The following ADGRD1 variants were observed in gnomAD, a reference collection of about 807,000 sequenced individuals.
ADGRD1 encodes G-protein coupled receptor 133.
In ADGRD1, 77 loss-of-function variants were observed where a neutral mutation model predicts 113.4. The observed-to-expected ratio is 0.68, with a 90% CI of 0.57 to 0.82. ADGRD1 has a LOEUF of 0.82. Ranked by LOEUF, ADGRD1 falls within the 40% of genes least tolerant of loss-of-function variation. ADGRD1 has a pLI of 0.00. For synonymous variants in ADGRD1, 474 were observed against 475.0 expected (o/e 1.00, Z 0.03); for missense variants, 1,036 against 1,139.1 (o/e 0.91, Z 1.30).
At position 131,119,705 on chromosome 12, in the gene ADGRD1, A is replaced by G. The variant is rs1260960533; in HGVS notation, c.2109-1142A>G. The stretch of plus-strand genomic sequence containing the variant: ...ATCTCTCTCTTTGCAGAAGCATCCT[A>G]CTCTCCGGAGAGCCTGGTTTGAATC... On this transcript the variant is annotated intron_variant, in intron 19 of 24. Transcript: ENST00000261654. Among the ~76,000 whole-genome samples, 5 of 152,026 alleles carry G rather than the reference A, an allele frequency of 3.3e-5. No homozygotes were observed. The South Asian group carries it at 8.3e-4, about 25-fold the overall frequency.
chr12:131,107,210 A>AT (rs1408493685), intron 17 of ADGRD1, among the ~76,000 whole-genome samples: 1 of 149,032 alleles, frequency 6.7e-6, no homozygotes, highest in Non-Finnish European at 1.5e-5. Flanking sequence ...AAGGGCTCTG[A>AT]TGGGTCCCGC....
chr12:131,112,712 G>A (rs1180325979), intron 18 of ADGRD1, among the ~76,000 whole-genome samples: 1 of 152,250 alleles, frequency 6.6e-6, no homozygotes, highest in South Asian at 2.1e-4. Flanking sequence ...CTGCTCTGGA[G>A]CTGCAGGCAA....
chr12:131,011,323 C>G (rs1407675113), intron 12 of ADGRD1, among the ~76,000 whole-genome samples: 2 of 151,888 alleles, frequency 1.3e-5, no homozygotes, highest in Admixed American at 1.3e-4. Context: ...GTGGAGGCCA[C>G]GTGTTCCCGG....
intron 20 of ADGRD1, among the ~76,000 whole-genome samples, chr12:131,123,754 G>C (rs568283467): frequency 6.6e-6 from 1 of 151,796 alleles, no homozygotes; most frequent in Non-Finnish European, 1.5e-5. Context: ...CCCGGGAGGC[G>C]GGTCTTGCAG....
intron 3 of ADGRD1, chr12:130,969,173 T>C: frequency 1.4e-6 from 1 of 708,712 alleles, no homozygotes; most frequent in Admixed American, 2.2e-5. Flanking sequence ...CACTATGTCT[T>C]GGCTAGCAAG....
chr12:131,100,393 A>T (rs1411626373), intron 15 of ADGRD1, among the ~76,000 whole-genome samples: 1 of 151,646 alleles, frequency 6.6e-6, no homozygotes, highest in Non-Finnish European at 1.5e-5. Flanking sequence ...AAGTTGGTTG[A>T]TGATGGGTTG....
intron 13 of ADGRD1, among the ~76,000 whole-genome samples, chr12:131,031,917 G>T (rs1374768673): frequency 6.6e-6 from 1 of 152,192 alleles, no homozygotes; most frequent in Non-Finnish European, 1.5e-5. Flanking sequence ...GGGAAGCTGG[G>T]GAGCCATTTG....
chr12:131,007,919 T>A (rs1877363401), intron 12 of ADGRD1, among the ~76,000 whole-genome samples: 1 of 152,170 alleles, frequency 6.6e-6, no homozygotes, highest in African/African-American at 2.4e-5. Context: ...TCCAGTAAAG[T>A]CTCTGTACTT....
chr12:131,006,911 C>T (rs575719785), intron 12 of ADGRD1, among the ~76,000 whole-genome samples: 1 of 152,296 alleles, frequency 6.6e-6, no homozygotes, highest in Admixed American at 6.5e-5. Context: ...AAGAAAAATG[C>T]AATCTATTTT....
chr12:130,992,202 T>A lies in ADGRD1; in HGVS notation c.811-35T>A, dbSNP rs776731672. On this transcript the variant is annotated intron_variant, in intron 7 of 24. Coordinates refer to ENST00000261654, the MANE Select transcript of ADGRD1 (RefSeq NM_198827.5). The stretch of plus-strand genomic sequence containing the variant: ...TTCTGTATAATATTTTGGTTTTAGT[T>A]CTTAGTAGAAACTCATGTTGCCAAT... 4.4e-6 allele frequency: 7 copies of A among 1,579,468 alleles called. No homozygotes were observed. In the Admixed American group the frequency reaches 5.4e-5, roughly 12 times the overall value.
At chr12:130,968,309 GT>G (rs1245049424) in intron 3 of ADGRD1, 1 of 152,314 alleles carries the variant, frequency 6.6e-6, no homozygotes, top group Non-Finnish European at 1.5e-5. Flanking sequence ...TAATATATCC[GT>G]GTTAGTCCTG....
chr12:130,981,945 G>A lies in ADGRD1; in HGVS notation c.372G>A (p.Ala124=), dbSNP rs145796361. 795 of 1,613,720 alleles carry A rather than the reference G, an allele frequency of 4.9e-4. 5 individuals carry two copies. The Middle Eastern group carries it at 4.9e-3, about 10-fold the overall frequency. The part of the protein sequence containing the change: ...QGEQSRPIPS[A]YGGQVISNGF... ...AACAGTCTAGACCAATCCCTTCTGCGTATGGGGGACAGGTCATCTCCAATG... is the reference window on the plus strand; with the variant it reads ...AACAGTCTAGACCAATCCCTTCTGCATATGGGGGACAGGTCATCTCCAATG... The change falls in exon 5 of 25, where the codon GCG becomes GCA. Residue 124 remains alanine, a synonymous_variant. Transcript: ENST00000261654.
At chr12:131,102,522 C>T (rs1048805575) in intron 15 of ADGRD1, among the ~76,000 whole-genome samples, 1 of 152,198 alleles carries the variant, frequency 6.6e-6, no homozygotes, top group Non-Finnish European at 1.5e-5. Flanking sequence ...CGGGAGGCCC[C>T]TGTTCGCCCA....
At chr12:131,062,630 G>T (rs557621417) in intron 13 of ADGRD1, among the ~76,000 whole-genome samples, 5 of 152,182 alleles carry the variant, frequency 3.3e-5, no homozygotes, top group South Asian at 4.2e-4. Flanking sequence ...GAGTTGCCCT[G>T]CGAAAGCTCT....
intron 13 of ADGRD1, among the ~76,000 whole-genome samples, chr12:131,048,347 G>A (rs1386848373): frequency 6.6e-6 from 1 of 152,226 alleles, no homozygotes; most frequent in Non-Finnish European, 1.5e-5. Flanking sequence ...CCTGCAGCTG[G>A]CCAGGAGTGC....
chr12:130,991,677 G>A (rs1411600611), intron 7 of ADGRD1, among the ~76,000 whole-genome samples: 1 of 152,172 alleles, frequency 6.6e-6, no homozygotes, highest in Non-Finnish European at 1.5e-5. Context: ...TCAGATACAT[G>A]GTAGGAGCTA....
chr12:131,046,354 GTCCTCCCTGGTCAGTGC>G (rs1212259825), intron 13 of ADGRD1, among the ~76,000 whole-genome samples: 9 of 26,406 alleles, frequency 3.4e-4, no homozygotes, highest in African/African-American at 9.4e-4. Context: ...CCTGGTCAGT[GTCCTCCCTGGTCAGTGC>G]TCCTCCCTGG....
intron 13 of ADGRD1, among the ~76,000 whole-genome samples, chr12:131,051,420 T>C (rs1471394878): frequency 3.3e-5 from 5 of 152,124 alleles, no homozygotes; most frequent in African/African-American, 1.2e-4. Flanking sequence ...GAACAACATA[T>C]AATGTTCTGG....
chr12:131,007,064 A>G (rs1488430253), intron 12 of ADGRD1, among the ~76,000 whole-genome samples: 6 of 152,306 alleles, frequency 3.9e-5, no homozygotes, highest in Non-Finnish European at 1.5e-5. Context: ...TGCATTTGTG[A>G]GGTGTCGCTG....
Sources: allele counts gnomAD v4.1 joint callset (sites outside exome capture counted in the v4.1 genomes callset), GRCh38; gene constraint gnomAD v4.1.1; transcripts MANE v1.5; gene names NCBI Gene and HGNC (gene_info 2026-07-23, HGNC 2026-07-21).